Variants in REEP6 observed in about 807,000 individuals in gnomAD.
The protein encoded by REEP6 is receptor expression-enhancing protein 6.
In REEP6, 19 loss-of-function variants were observed where a neutral mutation model predicts 22.4. That is an observed-to-expected ratio of 0.85 (90% CI 0.59 to 1.25). The LOEUF is 1.25. REEP6 is among the 50% of genes most tolerant of loss of function. REEP6 has a pLI of 0.00. For missense variants in REEP6, 273 were observed against 251.9 expected (o/e 1.08, Z -0.57); for synonymous variants, 121 against 113.6 (o/e 1.06, Z -0.41).
At position 1,496,547 on chromosome 19, in the gene REEP6, C is replaced by G. The variant is rs576592938; in HGVS notation, c.517+94C>G. 51 of 1,393,234 alleles carry G rather than the reference C, an allele frequency of 3.7e-5. No homozygotes were observed. In the Middle Eastern group the frequency reaches 1.9e-3, roughly 53 times the overall value. The allele number at this position is 1,393,234 out of a possible 1,614,324, so 86.3% of individuals were successfully genotyped here. ...GCCTCCCTTTCTGACTTTGGCCGCC[C>G]CCTCTCACTGTCCGCCTCTCTCTCT... is the stretch of plus-strand genomic sequence containing the variant. On this transcript the variant is annotated intron_variant, in intron 4 of 4. Transcript: ENST00000233596.
intron 1 of REEP6, among the ~76,000 whole-genome samples, chr19:1,495,067 C>T (rs910281342): frequency 6.6e-6 from 1 of 152,246 alleles, no homozygotes; most frequent in African/African-American, 2.4e-5. Context: ...GAGCTCTCAA[C>T]CCCGGTGGGG....
intron 1 of REEP6, 40 bp from the exon 2 acceptor site, chr19:1,495,254 G>T: frequency 6.3e-7 from 1 of 1,594,088 alleles, no homozygotes; most frequent in Non-Finnish European, 8.6e-7. Flanking sequence ...GGGGCTCAGC[G>T]GGTCCCCAGC....
At chr19:1,496,910 GTA>G (rs912795899) in intron 4 of REEP6, among the ~76,000 whole-genome samples, 7 of 152,140 alleles carry the variant, frequency 4.6e-5, no homozygotes, top group East Asian at 1.9e-4. Context: ...GTGCATGTGA[GTA>G]TATGTGTGTG....
At chr19:1,496,496 G>T in intron 4 of REEP6, 43 bp downstream of exon 4, 1 of 1,598,618 alleles carries the variant, frequency 6.3e-7, no homozygotes. Context: ...CCATCTCCCG[G>T]GTCTGGACCT....
chr19:1,496,524 C>T, intron 4 of REEP6, 71 bp downstream of exon 4: 1 of 1,559,218 alleles, frequency 6.4e-7, no homozygotes, highest in Non-Finnish European at 8.8e-7. Flanking sequence ...TCCACCTTGC[C>T]TCCCTTTCTG....
chr19:1,491,337 G>C lies in REEP6; in HGVS notation c.68G>C (p.Gly23Ala). 6.8e-7 allele frequency: 1 copy of C among 1,481,166 alleles called. No homozygotes were observed. The highest frequency in any genetic ancestry group is 9.0e-7 in the Non-Finnish European group (1 of 1,116,626). 91.8% of individuals were successfully genotyped at this position (1,481,166 alleles called of 1,614,324 possible). A position where few individuals can be genotyped will look rare whatever the true frequency, so the allele number is the denominator to read the frequency against. The change falls in exon 1 of 5, where the codon GGG becomes GCG. Residue 23 changes from glycine (G) to alanine (A), a missense_variant. By Grantham distance (60) the Gly-to-Ala change is moderately conservative. Coordinates refer to ENST00000233596, the MANE Select transcript of REEP6 (RefSeq NM_138393.4). The surrounding 1 kb of genome is among the most constrained non-coding windows in gnomAD (Gnocchi z 5.4). ...EQRNLVTEVL[G>A]ALEAKTGVEK... is the part of the protein sequence containing the mutation. ...AGGAACCTGGTCACCGAAGTGCTGG[G>C]GGCGCTGGAGGCCAAGACCGGGGTG...
intron 1 of REEP6, among the ~76,000 whole-genome samples, chr19:1,493,708 G>GACACACACACATAC (rs1555690911): frequency 1.4e-5 from 2 of 140,666 alleles, no homozygotes; most frequent in Non-Finnish European, 3.1e-5. Flanking sequence ...GGCTGAGCTG[G>GACACACACACATAC]ACACACACAC....
Position 1,497,354 on chromosome 19 carries a change from C to G in REEP6, c.*143C>G, listed in dbSNP as rs1454648668. ...CGGGTCCAGGCAAGGCCCTGGGGGT[C>G]TCCTTAAATGCCACCTCGGGCAAGT... is the stretch of plus-strand genomic sequence containing the variant. On this transcript the variant is annotated 3_prime_UTR_variant, in exon 5 of 5. Transcript: ENST00000233596. The surrounding 1 kb of genome is among the most constrained non-coding windows in gnomAD (Gnocchi z 6.5). 1.9e-5 allele frequency: 15 copies of G among 807,052 alleles called. No homozygotes were observed. Among genetic ancestry groups the G allele is most frequent in the Non-Finnish European group, 3.0e-5 (14 of 467,920 alleles). The allele number at this position is 807,052 out of a possible 1,614,324, so 50.0% of individuals were successfully genotyped here. A position where few individuals can be genotyped will look rare whatever the true frequency, so the allele number is the denominator to read the frequency against.
chr19:1,496,871 C>T lies in REEP6; in HGVS notation c.518-303C>T, dbSNP rs149111387. On this transcript the variant is annotated intron_variant, in intron 4 of 4. Coordinates refer to ENST00000233596, the MANE Select transcript of REEP6 (RefSeq NM_138393.4). ...GCAAGGGAGTGAGCATGTTTTCTCA[C>T]GTGTGCATATGTGTGTGTGTGCCCA... 6.2e-3 allele frequency among the ~76,000 whole-genome samples: 941 copies of T among 152,192 alleles called. 13 individuals are homozygous for T. Among genetic ancestry groups the T allele is most frequent in the Middle Eastern group, 0.034 (10 of 294 alleles).
intron 1 of REEP6, among the ~76,000 whole-genome samples, chr19:1,493,747 A>G (rs1599270113): frequency 6.7e-6 from 1 of 148,870 alleles, no homozygotes; most frequent in South Asian, 2.1e-4. Context: ...TTCTCTGAAC[A>G]CCCTCCTTGC....
intron 4 of REEP6, chr19:1,496,792 T>C (rs1788431888): frequency 1.7e-6 from 1 of 590,198 alleles, no homozygotes; most frequent in Non-Finnish European, 3.1e-6. Flanking sequence ...TGTTTTGTCA[T>C]GTGCAAGAGG....
chr19:1,494,124 T>G (rs2084986842), intron 1 of REEP6, among the ~76,000 whole-genome samples: 1 of 152,112 alleles, frequency 6.6e-6, no homozygotes, highest in African/African-American at 2.4e-5. Flanking sequence ...CTCTGTTAAC[T>G]TGTAACCATA....
At chr19:1,495,831 C>G in intron 3 of REEP6, 1 of 625,612 alleles carries the variant, frequency 1.6e-6, no homozygotes. Flanking sequence ...AATAGGATGT[C>G]CGATGGTGGA....
At chr19:1,493,054 T>C (rs2084979213) in intron 1 of REEP6, among the ~76,000 whole-genome samples, 1 of 152,140 alleles carries the variant, frequency 6.6e-6, no homozygotes, top group Admixed American at 6.5e-5. Flanking sequence ...GCTGCCTCTG[T>C]GCCTGTTCTG....
Position 1,497,478 on chromosome 19 carries a change from C to T in REEP6, c.*267C>T, listed in dbSNP as rs969391699. 2.9e-6 allele frequency: 2 copies of T among 693,540 alleles called. No homozygotes were observed. Among genetic ancestry groups the T allele is most frequent in the South Asian group, 1.5e-5 (1 of 66,512 alleles). 43.0% of individuals were successfully genotyped at this position (693,540 alleles called of 1,614,324 possible). ...CCGCCTGTCCGGCAGGGCCCAGGGC[C>T]AGCGTCGGGCACAGGGCAGCTCCCA... On this transcript the variant is annotated 3_prime_UTR_variant, in exon 5 of 5. Coordinates refer to ENST00000233596, the MANE Select transcript of REEP6 (RefSeq NM_138393.4). This position sits in a 1 kb window ranked among gnomAD's most constrained non-coding sequence, Gnocchi z 6.5.
rs2084998517 is a variant in REEP6, at chr19:1,495,498, A to G, written c.239A>G (p.Asp80Gly). 1 of 1,613,902 alleles carries G rather than the reference A, an allele frequency of 6.2e-7. No homozygotes were observed. Among genetic ancestry groups the G allele is most frequent in the African/African-American group, 1.3e-5 (1 of 74,942 alleles). Reference protein sequence around the residue: ...SIKAIESPSKDDDTVWLTYWV... With the variant: ...SIKAIESPSKGDDTVWLTYWV... ...AAAGCTATCGAGAGCCCAAGCAAGG[A>G]CGACGACACTGTGTGGCTCACCTAC... is the stretch of plus-strand genomic sequence containing the variant. Residue 80 changes from aspartate to glycine, a missense_variant, in exon 3 of 5, where the codon GAC (aspartate) becomes GGC (glycine). Physicochemically the swap from Asp to Gly is moderately conservative, Grantham distance 94. Transcript: ENST00000233596.
chr19:1,496,744 G>A (rs757451422), intron 4 of REEP6: 48 of 641,550 alleles, frequency 7.5e-5, no homozygotes, highest in Middle Eastern at 2.7e-4. Context: ...GTGTTTGAGC[G>A]TATGTTTGCT....
intron 1 of REEP6, among the ~76,000 whole-genome samples, chr19:1,493,308 C>T (rs1412490033): frequency 6.6e-6 from 1 of 152,148 alleles, no homozygotes; most frequent in Non-Finnish European, 1.5e-5. Context: ...AATCCCACAC[C>T]CCTGGGTAAC....
intron 1 of REEP6, among the ~76,000 whole-genome samples, chr19:1,495,050 C>T (rs2084994117): frequency 6.6e-6 from 1 of 152,200 alleles, no homozygotes; most frequent in South Asian, 2.1e-4. Context: ...TCCTGCCTGC[C>T]CTTGGGGAGC....
Sources: gnomAD v4.1 joint callset for allele counts (sites outside exome capture counted in the v4.1 genomes callset) on GRCh38, gnomAD v4.1.1 for gene constraint, Gnocchi (gnomAD v3.1) non-coding constraint, MANE v1.5 for transcripts, NCBI Gene and HGNC (gene_info 2026-07-23, HGNC 2026-07-21) for gene names.